The following LRP1B variants were observed in gnomAD, a reference collection of about 807,000 sequenced individuals.
LRP1B encodes the protein low-density lipoprotein receptor-related protein 1B.
Under a neutral mutation model 556.6 loss-of-function variants are expected in LRP1B, and 217 were observed. The observed-to-expected ratio is 0.39, with a 90% CI of 0.35 to 0.44. LRP1B has a LOEUF of 0.44. Ranked by LOEUF, LRP1B falls within the 20% of genes least tolerant of loss-of-function variation. LRP1B has a pLI of 1.00. For missense variants in LRP1B, 5,053 were observed against 5,620.8 expected (o/e 0.90, Z 3.23); for synonymous variants, 2,047 against 1,865.8 (o/e 1.10, Z -2.50).
intron 1 of LRP1B, among the ~76,000 whole-genome samples, chr2:142,093,894 G>A (rs1457366663): frequency 6.6e-6 from 1 of 152,046 alleles, no homozygotes; most frequent in Non-Finnish European, 1.5e-5. Context: ...AGACTTAGCT[G>A]CCTTAGTTTA....
At chr2:142,086,641 A>C (rs201232970) in intron 1 of LRP1B, among the ~76,000 whole-genome samples, 2 of 19,030 alleles carry the variant, frequency 1.1e-4, no homozygotes, top group African/African-American at 1.6e-4. Flanking sequence ...ACAAACAAAC[A>C]AAAAAAAAAC....
chr2:140,773,609 T>C (rs979624745), intron 33 of LRP1B, among the ~76,000 whole-genome samples: 14 of 151,442 alleles, frequency 9.2e-5, no homozygotes, highest in African/African-American at 2.9e-4. Context: ...ATAAGTATTA[T>C]ATATAATATT....
At chr2:141,895,928 G>A (rs184969850) in intron 1 of LRP1B, among the ~76,000 whole-genome samples, 2 of 151,174 alleles carry the variant, frequency 1.3e-5, no homozygotes, top group African/African-American at 2.4e-5. Flanking sequence ...AAGGATGGCC[G>A]GGACAGCCAC....
chr2:141,427,823 G>T (rs1680423812), intron 3 of LRP1B, among the ~76,000 whole-genome samples: 1 of 151,992 alleles, frequency 6.6e-6, no homozygotes, highest in Non-Finnish European at 1.5e-5. Flanking sequence ...CATTAATACT[G>T]TCCCCTCAAT....
At chr2:142,113,930 T>A (rs936476172) in intron 1 of LRP1B, among the ~76,000 whole-genome samples, 2 of 152,112 alleles carry the variant, frequency 1.3e-5, no homozygotes, top group African/African-American at 4.8e-5. Flanking sequence ...CTGATAACAA[T>A]GCCCTTTACC....
At chr2:140,624,039 C>T (rs767801305) in intron 41 of LRP1B, among the ~76,000 whole-genome samples, 2 of 143,588 alleles carry the variant, frequency 1.4e-5, no homozygotes, top group Admixed American at 7.3e-5. Flanking sequence ...TAGCAAATGT[C>T]CAAGCCACAT....
intron 2 of LRP1B, among the ~76,000 whole-genome samples, chr2:141,684,717 A>G (rs747504755): frequency 6.6e-6 from 1 of 152,092 alleles, no homozygotes; most frequent in Admixed American, 6.6e-5. Flanking sequence ...TATTTAGGAA[A>G]GCTCTTTGGA....
chr2:141,655,615 A>G (rs563999470), intron 2 of LRP1B, among the ~76,000 whole-genome samples: 5 of 152,278 alleles, frequency 3.3e-5, no homozygotes, highest in African/African-American at 1.2e-4. Flanking sequence ...TTTTAATATT[A>G]ATGGGGTTAT....
rs533235518 is a variant in LRP1B, at chr2:140,936,991, GT to G, written c.3136+13243del. ...GGAGACAGGGATATAAAGAAGCAGA[GT>G]TTTTGTAAGTTATTGAAGTTAAACT... On this transcript the variant is annotated intron_variant, in intron 20 of 90. Coordinates refer to ENST00000389484, the MANE Select transcript of LRP1B (RefSeq NM_018557.3). Among the ~76,000 whole-genome samples, 19 of 152,188 alleles carry G rather than the reference GT, an allele frequency of 1.2e-4. No homozygotes were observed. In the South Asian group the frequency reaches 3.7e-3, roughly 30 times the overall value.
chr2:141,218,399 T>C (rs1014020536), intron 6 of LRP1B, among the ~76,000 whole-genome samples: 3 of 152,048 alleles, frequency 2.0e-5, no homozygotes, highest in Non-Finnish European at 2.9e-5. Context: ...GCCCATCAAT[T>C]GTGGATTGGA....
chr2:141,962,039 G>A (rs1407760023), intron 1 of LRP1B, among the ~76,000 whole-genome samples: 1 of 151,666 alleles, frequency 6.6e-6, no homozygotes, highest in Non-Finnish European at 1.5e-5. Context: ...GTAAAGGAAA[G>A]GTAACTTCCT....
rs116909907 is a variant in LRP1B, at chr2:140,234,513, A to G, written c.13659+273T>C. ...TGGCTAGAGCTTCTTTGCTAAGAAT[A>G]ACAAATACTCATGTTCACTGTAAAG... is the stretch of plus-strand genomic sequence containing the variant. On this transcript the variant is annotated intron_variant, in intron 90 of 90. Coordinates refer to ENST00000389484, the MANE Select transcript of LRP1B (RefSeq NM_018557.3). Among the ~76,000 whole-genome samples, 6 of 151,410 alleles carry G rather than the reference A, an allele frequency of 4.0e-5. No homozygotes were observed. The East Asian group carries it at 1.2e-3, about 30-fold the overall frequency.
At chr2:141,214,742 C>T (rs1027643916) in intron 6 of LRP1B, among the ~76,000 whole-genome samples, 1 of 152,110 alleles carries the variant, frequency 6.6e-6, no homozygotes, top group African/African-American at 2.4e-5. Flanking sequence ...TTTATAGGTG[C>T]ATATCATGGG....
chr2:141,579,837 C>A (rs939953861), intron 2 of LRP1B, among the ~76,000 whole-genome samples: 1 of 148,194 alleles, frequency 6.7e-6, no homozygotes, highest in East Asian at 2.0e-4. Flanking sequence ...GTAGCTGGGA[C>A]TACAGGCACC....
chr2:141,811,455 A>G (rs887214306), intron 1 of LRP1B, among the ~76,000 whole-genome samples: 1 of 152,014 alleles, frequency 6.6e-6, no homozygotes, highest in African/African-American at 2.4e-5. Flanking sequence ...AAATAATACT[A>G]TATCTTACAC....
chr2:142,095,203 T>A (rs947194252), intron 1 of LRP1B, among the ~76,000 whole-genome samples: 17 of 151,296 alleles, frequency 1.1e-4, no homozygotes, highest in African/African-American at 4.1e-4. Flanking sequence ...ATGGGATGTG[T>A]ATATGTTTTT....
intron 66 of LRP1B, among the ~76,000 whole-genome samples, chr2:140,422,263 G>A (rs1241241571): frequency 6.6e-6 from 1 of 152,140 alleles, no homozygotes; most frequent in African/African-American, 2.4e-5. Flanking sequence ...CGAAAATCTG[G>A]TAGAATGTAT....
At chr2:140,281,503 C>G (rs1480931485) in intron 84 of LRP1B, among the ~76,000 whole-genome samples, 2 of 151,688 alleles carry the variant, frequency 1.3e-5, no homozygotes, top group African/African-American at 4.8e-5. Flanking sequence ...ATGGCTAATA[C>G]AGAATGATCA....
intron 2 of LRP1B, among the ~76,000 whole-genome samples, chr2:141,761,599 T>C (rs981907873): frequency 2.0e-5 from 3 of 152,226 alleles, no homozygotes; most frequent in African/African-American, 7.2e-5. Context: ...TACTTAAAAA[T>C]TTATTTTACT....
Sources: allele counts gnomAD v4.1 joint callset (sites outside exome capture counted in the v4.1 genomes callset), GRCh38; gene constraint gnomAD v4.1.1; transcripts MANE v1.5; gene names NCBI Gene and HGNC (gene_info 2026-07-23, HGNC 2026-07-21).